The following SPATS1 variants were observed in gnomAD, a reference collection of about 807,000 sequenced individuals.
The protein encoded by SPATS1 is spermatogenesis-associated serine-rich protein 1.
A neutral mutation model predicts 33.6 loss-of-function variants in SPATS1; 23 were observed. The ratio of observed to expected loss-of-function variants is 0.68; its 90% CI spans 0.49 to 0.97. SPATS1 has a LOEUF of 0.97. Ranked by LOEUF, SPATS1 falls within the 50% of genes least tolerant of loss-of-function variation. The pLI is 0.00. For missense variants in SPATS1, 327 were observed against 361.0 expected (o/e 0.91, Z 0.76); for synonymous variants, 131 against 125.6 (o/e 1.04, Z -0.29).
At chr6:44,375,700 C>T (rs1389500876) in intron 7 of SPATS1, among the ~76,000 whole-genome samples, 1 of 152,158 alleles carries the variant, frequency 6.6e-6, no homozygotes, top group African/African-American at 2.4e-5. Context: ...GTCCCAGCTA[C>T]TTGGGAGGCT....
intron 7 of SPATS1, 126 bp from the exon 8 acceptor site, chr6:44,376,232 T>C (rs1789942110): frequency 1.6e-6 from 1 of 611,450 alleles, no homozygotes; most frequent in Middle Eastern, 3.4e-4. Context: ...TAACATATTT[T>C]ATTTTGAAGC....
Position 44,367,943 on chromosome 6 carries a change from C to A in SPATS1, c.575-436C>A, listed in dbSNP as rs1014528. 4.0e-3 allele frequency among the ~76,000 whole-genome samples: 612 copies of A among 152,268 alleles called. 5 individuals carry two copies. Among genetic ancestry groups the A allele is most frequent in the Non-Finnish European group, 6.7e-3 (455 of 68,012 alleles). Reference sequence around the variant, plus strand: ...AGTCCTTGAGGCAGAAGGAGCAAGACATCCTTAGTTGGTTTCCTTCCTGGA... The same window carrying A: ...AGTCCTTGAGGCAGAAGGAGCAAGAAATCCTTAGTTGGTTTCCTTCCTGGA... On this transcript the variant is annotated intron_variant, in intron 5 of 8. Coordinates refer to ENST00000674044, the MANE Select transcript of SPATS1 (RefSeq NM_001372081.1).
At chr6:44,355,899 C>T (rs7738562) in intron 3 of SPATS1, among the ~76,000 whole-genome samples, 1 of 152,048 alleles carries the variant, frequency 6.6e-6, no homozygotes, top group Non-Finnish European at 1.5e-5. Flanking sequence ...TGGGGAACTG[C>T]GTGATTGCTG....
At chr6:44,370,420 G>A (rs1789531415) in intron 7 of SPATS1, among the ~76,000 whole-genome samples, 1 of 152,092 alleles carries the variant, frequency 6.6e-6, no homozygotes, top group African/African-American at 2.4e-5. Context: ...TAGAACATGA[G>A]TATGTTGGGA....
Position 44,378,964 on chromosome 6 carries a change from A to T in SPATS1, c.*1901A>T, listed in dbSNP as rs1222016269. On this transcript the variant is annotated 3_prime_UTR_variant, in exon 9 of 9. Transcript: ENST00000674044. ...GGCCCACCCCTGCTCCCAACATAAT[A>T]ATTTAAAAAAACACCAAATAATTTT... The T allele has an allele frequency of 2.0e-5, 3 of 152,048 alleles. No homozygotes were observed. Among genetic ancestry groups the T allele is most frequent in the Non-Finnish European group, 4.4e-5 (3 of 68,024 alleles). 9.4% of individuals were successfully genotyped at this position (152,048 alleles called of 1,614,324 possible).
chr6:44,376,897 T>C, intron 8 of SPATS1, 138 bp from the exon 9 acceptor site: 1 of 897,626 alleles, frequency 1.1e-6, no homozygotes, highest in South Asian at 1.4e-5. Flanking sequence ...AAGTATCTCC[T>C]GGAGTGGATG....
chr6:44,351,986 C>T (rs1370376290), intron 2 of SPATS1, among the ~76,000 whole-genome samples: 1 of 152,162 alleles, frequency 6.6e-6, no homozygotes, highest in East Asian at 1.9e-4. Flanking sequence ...ATGTACAGTG[C>T]TATATAGCTC....
At position 44,377,256 on chromosome 6, in the gene SPATS1, C is replaced by T. The variant is rs1790018267; in HGVS notation, c.*193C>T. ...AAAGTTGCAAGAATTGTACAACAAACACCTGCATATCCTTCACATAGATTC... is the reference window on the plus strand; with the variant it reads ...AAAGTTGCAAGAATTGTACAACAAATACCTGCATATCCTTCACATAGATTC... On this transcript the variant is annotated 3_prime_UTR_variant, in exon 9 of 9. Transcript: ENST00000674044. 25 of 622,540 alleles carry T rather than the reference C, an allele frequency of 4.0e-5. 1 individual carries two copies. In the South Asian group the frequency reaches 4.7e-4, roughly 12 times the overall value. The allele number at this position is 622,540 out of a possible 1,614,324, so 38.6% of individuals were successfully genotyped here. A position where few individuals can be genotyped will look rare whatever the true frequency, so the allele number is the denominator to read the frequency against.
At chr6:44,354,048 A>AAC (rs1554152587) in intron 3 of SPATS1, among the ~76,000 whole-genome samples, 4 of 148,620 alleles carry the variant, frequency 2.7e-5, no homozygotes, top group East Asian at 4.1e-4. Flanking sequence ...AAAAAAAAAA[A>AAC]AAAAACAAAA....
At chr6:44,362,993 C>A (rs1201853376) in intron 5 of SPATS1, among the ~76,000 whole-genome samples, 2 of 152,126 alleles carry the variant, frequency 1.3e-5, no homozygotes, top group Non-Finnish European at 1.5e-5. Flanking sequence ...CATGCACCAC[C>A]ACACCCGGTT....
intron 4 of SPATS1, 97 bp downstream of exon 4, chr6:44,360,667 C>T: frequency 1.4e-6 from 2 of 1,406,612 alleles, no homozygotes. Context: ...CCACAACTGT[C>T]AAGCATTTGA....
rs776940222 is a variant in SPATS1 at position 44,380,008 on chromosome 6, C to T, written c.*2945C>T. Among the ~76,000 whole-genome samples, 7 of 151,988 alleles carry T rather than the reference C, an allele frequency of 4.6e-5. No individual in the cohort carries two copies. Among genetic ancestry groups the T allele is most frequent in the Admixed American group, 2.0e-4 (3 of 15,262 alleles). On this transcript the variant is annotated 3_prime_UTR_variant, in exon 9 of 9. Coordinates refer to ENST00000674044, the MANE Select transcript of SPATS1 (RefSeq NM_001372081.1). ...ACTTTGGACAGCATGAGTATGTCTACGTGTGTGGGGAGACAAAGGCATAGA... is the reference window on the plus strand; with the variant it reads ...ACTTTGGACAGCATGAGTATGTCTATGTGTGTGGGGAGACAAAGGCATAGA...
chr6:44,370,438 A>G (rs182615476), intron 7 of SPATS1, among the ~76,000 whole-genome samples: 76 of 152,310 alleles, frequency 5.0e-4, no homozygotes, highest in Non-Finnish European at 9.1e-4. Flanking sequence ...GGAAAAAAAG[A>G]CACATACTTA....
At chr6:44,361,635 T>G in intron 4 of SPATS1, 196 bp from the exon 5 acceptor site, 1 of 740,662 alleles carries the variant, frequency 1.4e-6, no homozygotes, top group Non-Finnish European at 1.6e-6. Context: ...TAGATAGCTC[T>G]CCCCTGACTT....
At chr6:44,364,381 C>A (rs1234653811) in intron 5 of SPATS1, among the ~76,000 whole-genome samples, 1 of 152,156 alleles carries the variant, frequency 6.6e-6, no homozygotes, top group Non-Finnish European at 1.5e-5. Context: ...TGTTAAGTTT[C>A]TTTCTCCCTC....
chr6:44,347,225 G>A (rs1787946413), intron 2 of SPATS1, among the ~76,000 whole-genome samples: 1 of 152,172 alleles, frequency 6.6e-6, no homozygotes, highest in South Asian at 2.1e-4. Context: ...GGCCTGTCGT[G>A]GGGTTGGGGG....
At chr6:44,354,460 T>C (rs142783951) in intron 3 of SPATS1, among the ~76,000 whole-genome samples, 6 of 152,204 alleles carry the variant, frequency 3.9e-5, no homozygotes, top group African/African-American at 1.4e-4. Flanking sequence ...TTTTTGCACA[T>C]AAAATATATA....
In SPATS1 at chr6:44,372,895, AC is replaced by A. The variant is rs1789711616; in HGVS notation, c.758+2783del. 2.0e-5 allele frequency among the ~76,000 whole-genome samples: 3 copies of A among 152,186 alleles called. No individual in the cohort carries two copies. In the South Asian group the frequency reaches 6.2e-4, roughly 32 times the overall value. On this transcript the variant is annotated intron_variant, in intron 7 of 8. Transcript: ENST00000674044. The stretch of plus-strand genomic sequence containing the variant: ...TCTTTAGGGATAGTTTAACTCCATT[AC>A]TAAGTAAGATGTGGCCCTTTTAGAG...
chr6:44,367,877 G>A (rs1208999196), intron 5 of SPATS1, among the ~76,000 whole-genome samples: 1 of 152,104 alleles, frequency 6.6e-6, no homozygotes, highest in Non-Finnish European at 1.5e-5. Context: ...GAGTAATCTT[G>A]CTCTTCTCCA....
Sources: allele counts gnomAD v4.1 joint callset (sites outside exome capture counted in the v4.1 genomes callset), GRCh38; gene constraint gnomAD v4.1.1; transcripts MANE v1.5; gene names NCBI Gene and HGNC (gene_info 2026-07-23, HGNC 2026-07-21).